PRKCA: variants seen among roughly 807,000 people sequenced by gnomAD.
The protein encoded by PRKCA is protein kinase C alpha, also known as protein kinase C alpha type.
Under a neutral mutation model 87.0 loss-of-function variants are expected in PRKCA, and 27 were observed. The ratio of observed to expected loss-of-function variants is 0.31; its 90% CI spans 0.23 to 0.43. The LOEUF (loss-of-function observed/expected upper bound fraction) is 0.43. PRKCA is among the 20% of genes least tolerant of loss of function. PRKCA has a pLI of 1.00. For synonymous variants in PRKCA, 329 were observed against 311.1 expected, an observed-to-expected ratio of 1.06 and a Z score of -0.61; for missense variants, 518 against 852.3, an observed-to-expected ratio of 0.61 and a Z score of 4.88.
intron 2 of PRKCA, among the ~76,000 whole-genome samples, chr17:66,432,494 C>CCCTGTGGTGATTAATT (rs1913152365): frequency 6.6e-6 from 1 of 152,012 alleles, no homozygotes; most frequent in African/African-American, 2.4e-5. Flanking sequence ...GGTGATTAAT[C>CCCTGTGGTGATTAATT]TTCCTCCCTG....
At chr17:66,793,736 G>A (rs562641597) in intron 16 of PRKCA, among the ~76,000 whole-genome samples, 262 of 152,190 alleles carry the variant, frequency 1.7e-3, no homozygotes, top group African/African-American at 5.1e-3. Flanking sequence ...ACCTCCCAGC[G>A]TCAGGTGAGC....
At chr17:66,516,835 T>C (rs1041545689) in intron 3 of PRKCA, among the ~76,000 whole-genome samples, 2 of 152,090 alleles carry the variant, frequency 1.3e-5, no homozygotes, top group Admixed American at 1.3e-4. Context: ...ACAGGGAGGC[T>C]GAGGTGGCTT....
chr17:66,522,884 G>T (rs1034076416), intron 3 of PRKCA, among the ~76,000 whole-genome samples: 1 of 151,810 alleles, frequency 6.6e-6, no homozygotes, highest in Non-Finnish European at 1.5e-5. Flanking sequence ...TATGAATCCA[G>T]TGGGGTCTTG....
intron 2 of PRKCA, among the ~76,000 whole-genome samples, chr17:66,343,045 G>A (rs994877357): frequency 6.6e-5 from 10 of 151,946 alleles, no homozygotes; most frequent in East Asian, 1.9e-4. Context: ...TAAAAAAGAA[G>A]CATAATATGC....
intron 14 of PRKCA, among the ~76,000 whole-genome samples, chr17:66,786,314 A>G (rs965607964): frequency 1.3e-4 from 20 of 152,300 alleles, no homozygotes; most frequent in Non-Finnish European, 2.2e-4. Context: ...GAGGAGTCCA[A>G]TGGAAGCTAA....
At chr17:66,761,488 G>A (rs990720447) in intron 13 of PRKCA, among the ~76,000 whole-genome samples, 12 of 151,516 alleles carry the variant, frequency 7.9e-5, no homozygotes, top group East Asian at 3.9e-4. Flanking sequence ...ATGGAGTCTC[G>A]CTCTGTTGCC....
At chr17:66,626,470 TCCTG>T (rs1272090097) in intron 3 of PRKCA, among the ~76,000 whole-genome samples, 2 of 151,244 alleles carry the variant, frequency 1.3e-5, no homozygotes, top group African/African-American at 4.9e-5. Context: ...CATGCCATTC[TCCTG>T]CCTCAGCCTC....
At chr17:66,453,881 A>G (rs1914455261) in intron 2 of PRKCA, among the ~76,000 whole-genome samples, 1 of 152,252 alleles carries the variant, frequency 6.6e-6, no homozygotes, top group African/African-American at 2.4e-5. Flanking sequence ...TTTCAGATCC[A>G]ATAGCAGGAG....
At chr17:66,664,647 GTTTTTTTTTTT>G (rs398031366) in intron 5 of PRKCA, among the ~76,000 whole-genome samples, 1 of 67,788 alleles carries the variant, frequency 1.5e-5, no homozygotes. Flanking sequence ...TTTTGCTTTG[GTTTTTTTTTTT>G]TTTTTTTTTT....
intron 2 of PRKCA, among the ~76,000 whole-genome samples, chr17:66,427,864 A>G (rs1021158600): frequency 1.3e-5 from 2 of 152,198 alleles, no homozygotes; most frequent in African/African-American, 2.4e-5. Context: ...AGAACCTAGG[A>G]TGCATCTTGA....
chr17:66,786,919 A>G lies in PRKCA; in HGVS notation c.1658A>G (p.His553Arg). ...GAGCTATTTCAGTCTATCATGGAGC[A>G]CAACGTTTCCTATCCAAAATCCTTG... is the stretch of plus-strand genomic sequence containing the variant. ...EDELFQSIME[H>R]NVSYPKSLSK... Residue 553 changes from histidine to arginine, a missense_variant, in exon 15 of 17, where the codon CAC becomes CGC. Physicochemically the swap from His to Arg is conservative, Grantham distance 29 (BLOSUM62 0). Coordinates refer to ENST00000413366, the MANE Select transcript of PRKCA (RefSeq NM_002737.3). 6.2e-7 allele frequency: 1 copy of G among 1,614,200 alleles called. No homozygotes were observed. Among genetic ancestry groups the G allele is most frequent in the Non-Finnish European group, 8.5e-7 (1 of 1,180,024 alleles).
intron 3 of PRKCA, among the ~76,000 whole-genome samples, chr17:66,526,491 C>T (rs1487285927): frequency 6.6e-6 from 1 of 152,174 alleles, no homozygotes; most frequent in East Asian, 1.9e-4. Flanking sequence ...TGCGCCGTAC[C>T]TCTTCTCCAA....
intron 2 of PRKCA, among the ~76,000 whole-genome samples, chr17:66,420,234 C>T (rs530819925): frequency 5.9e-5 from 9 of 152,180 alleles, no homozygotes; most frequent in African/African-American, 2.2e-4. Flanking sequence ...TGGTCTTGAT[C>T]TCCTGACCTG....
intron 13 of PRKCA, among the ~76,000 whole-genome samples, chr17:66,769,899 C>T (rs1443716204): frequency 6.6e-6 from 1 of 152,188 alleles, no homozygotes; most frequent in Admixed American, 6.6e-5. Flanking sequence ...ATGGAAGAGA[C>T]TTATCATTTG....
chr17:66,377,917 C>T (rs1909563112), intron 2 of PRKCA, among the ~76,000 whole-genome samples: 1 of 151,490 alleles, frequency 6.6e-6, no homozygotes. Flanking sequence ...CTATCCCTGG[C>T]CTGCTGCTTA....
chr17:66,760,359 A>T (rs2144293567), intron 13 of PRKCA, among the ~76,000 whole-genome samples: 1 of 152,206 alleles, frequency 6.6e-6, no homozygotes, highest in South Asian at 2.1e-4. Context: ...TAAATAAATG[A>T]AAACGTAGAT....
intron 3 of PRKCA, among the ~76,000 whole-genome samples, chr17:66,526,417 G>T (rs1598741763): frequency 6.6e-6 from 1 of 152,170 alleles, no homozygotes; most frequent in East Asian, 1.9e-4. Context: ...CCTGAGGGTT[G>T]GCTGATTTCA....
chr17:66,396,882 C>T (rs1224660609), intron 2 of PRKCA, among the ~76,000 whole-genome samples: 1 of 147,216 alleles, frequency 6.8e-6, no homozygotes, highest in Non-Finnish European at 1.5e-5. Flanking sequence ...TACCTTTCTA[C>T]ATACATATTT....
At position 66,624,274 on chromosome 17, in the gene PRKCA, G is replaced by A. The variant is rs1051937527; in HGVS notation, c.289-17081G>A. 3.9e-5 allele frequency among the ~76,000 whole-genome samples: 6 copies of A among 151,928 alleles called. No homozygotes were observed. In the East Asian group the frequency reaches 1.2e-3, roughly 30 times the overall value. On this transcript the variant is annotated intron_variant, in intron 3 of 16. Transcript: ENST00000413366. Reference sequence around the variant, plus strand: ...TAGTCTGGTAAAGTGGGGTTAGCATGAAAGGGCCAGTTCAAGAGACATTGC... The same window carrying A: ...TAGTCTGGTAAAGTGGGGTTAGCATAAAAGGGCCAGTTCAAGAGACATTGC...
Sources: gnomAD v4.1 joint callset for allele counts (sites outside exome capture counted in the v4.1 genomes callset) on GRCh38, gnomAD v4.1.1 for gene constraint, MANE v1.5 for transcripts, NCBI Gene and HGNC (gene_info 2026-07-23, HGNC 2026-07-21) for gene names.